SSH2: variants seen among roughly 807,000 people sequenced by gnomAD.
SSH2 encodes the protein slingshot protein phosphatase 2.
SSH2 carries 37 observed loss-of-function variants against 135.2 expected under a neutral mutation model. The observed-to-expected ratio is 0.27, with a 90% CI of 0.21 to 0.36. The LOEUF is 0.36. Ranked by LOEUF, SSH2 falls within the 10% of genes least tolerant of loss-of-function variation. SSH2 has a pLI of 1.00. For missense variants in SSH2, 1,408 were observed against 1,765.3 expected (o/e 0.80, Z 3.63); for synonymous variants, 628 against 646.2 (o/e 0.97, Z 0.43).
Position 29,631,848 on chromosome 17 carries a change from G to A in SSH2, c.3346C>T (p.Pro1116Ser). ...AGGATGGAGGTTGGATGGTCAGTGGGTCTGTTGTGCTCAGGGGAGGAAGAA... is the reference window on the plus strand; with the variant it reads ...AGGATGGAGGTTGGATGGTCAGTGGATCTGTTGTGCTCAGGGGAGGAAGAA... The part of the protein sequence containing the change: ...PHSSSPEHNR[P>S]TDHPTSILSS... Residue 1116 changes from proline to serine, a missense_variant, in exon 16 of 16, where the codon CCC becomes TCC. By Grantham distance (74) the Pro-to-Ser change is moderately conservative. Transcript: ENST00000540801. 6.2e-7 allele frequency: 1 copy of A among 1,614,232 alleles called. No homozygotes were observed. Among genetic ancestry groups the A allele is most frequent in the Non-Finnish European group, 8.5e-7 (1 of 1,180,046 alleles).
intron 1 of SSH2, among the ~76,000 whole-genome samples, chr17:29,911,853 TCTGGGC>T (rs2066771752): frequency 6.6e-6 from 1 of 152,240 alleles, no homozygotes; most frequent in Non-Finnish European, 1.5e-5. Flanking sequence ...ACTAGTTAAA[TCTGGGC>T]CTCAGATATG....
chr17:29,910,321 A>G (rs527259783), intron 1 of SSH2, among the ~76,000 whole-genome samples: 158 of 50,534 alleles, frequency 3.1e-3, no homozygotes, highest in African/African-American at 9.3e-3. Context: ...GCCCATTGTA[A>G]CCTATAAAAA....
chr17:29,698,496 T>C (rs2038853634), intron 4 of SSH2, among the ~76,000 whole-genome samples: 1 of 152,088 alleles, frequency 6.6e-6, no homozygotes, highest in Non-Finnish European at 1.5e-5. Context: ...TTATTTTATT[T>C]TTTTCTTGAG....
intron 2 of SSH2, among the ~76,000 whole-genome samples, chr17:29,843,937 C>T (rs1426302821): frequency 6.6e-6 from 1 of 152,182 alleles, no homozygotes; most frequent in Non-Finnish European, 1.5e-5. Context: ...TATTCTGAGA[C>T]ACTGTCCTTC....
chr17:29,756,461 T>C (rs373504082), intron 3 of SSH2, among the ~76,000 whole-genome samples: 21 of 150,954 alleles, frequency 1.4e-4, no homozygotes, highest in African/African-American at 5.1e-4. Flanking sequence ...TATCTGTCTA[T>C]CTATCCATCC....
rs2035647574 is a variant in SSH2, at chr17:29,631,142, A to T, written c.4052T>A (p.Val1351Glu). ...PHNPEPTKSF[V>E]EQLTTTECIV... ...ACACTCTGTTGTTGTGAGTTGTTCT[A>T]CAAAAGACTTGGTGGGCTCTGGGTT... Residue 1351 changes from valine (V) to glutamate (E), a missense_variant, in exon 16 of 16, where the codon GTA becomes GAA. Around this residue, in one of 3 missense-constraint regions of SSH2, gnomAD observed 1,080 missense variants for 1,144.5 expected, o/e 0.94. Transcript: ENST00000540801. The T allele has an allele frequency of 6.2e-7, 1 of 1,614,206 alleles. No homozygotes were observed. The highest frequency in any genetic ancestry group is 1.3e-5 in the African/African-American group (1 of 75,038).
rs2035672551 is a variant in SSH2, at chr17:29,631,541, T to C, written c.3653A>G (p.Lys1218Arg). 3.7e-6 allele frequency: 6 copies of C among 1,614,142 alleles called. No individual in the cohort carries two copies. Among genetic ancestry groups the C allele is most frequent in the Non-Finnish European group, 5.1e-6 (6 of 1,180,042 alleles). Residue 1218 changes from lysine (K) to arginine (R), a missense_variant, in exon 16 of 16, where the codon AAA (lysine) becomes AGA (arginine). By Grantham distance (26) the Lys-to-Arg change is conservative. Transcript: ENST00000540801. ...TAACTCCCCAGTGTTGTCACCAAGT[T>C]TGCTAATTAAACTTAGGTCTGCGCT... The part of the protein sequence containing the change: ...LSSADLSLIS[K>R]LGDNTGELQE...
intron 4 of SSH2, among the ~76,000 whole-genome samples, chr17:29,700,794 CT>C (rs969498411): frequency 1.3e-5 from 2 of 151,894 alleles, no homozygotes; most frequent in Non-Finnish European, 2.9e-5. Context: ...AGCTAAACTT[CT>C]TTTTTTCTTT....
At chr17:29,820,043 T>G (rs766545780) in intron 2 of SSH2, among the ~76,000 whole-genome samples, 6 of 152,238 alleles carry the variant, frequency 3.9e-5, no homozygotes, top group Non-Finnish European at 8.8e-5. Context: ...ATTCTAAATT[T>G]AAAAAGGTGT....
At chr17:29,731,467 T>G (rs567893978) in intron 3 of SSH2, among the ~76,000 whole-genome samples, 2 of 126,320 alleles carry the variant, frequency 1.6e-5, no homozygotes, top group African/African-American at 6.1e-5. Flanking sequence ...ATTTATTTAT[T>G]TATTTTGAGA....
chr17:29,757,767 A>G (rs2041174640), intron 3 of SSH2, among the ~76,000 whole-genome samples: 1 of 101,846 alleles, frequency 9.8e-6, no homozygotes. Context: ...AATTGCTTGA[A>G]CCCAGTGGCA....
rs3840873 is a variant in SSH2 at position 29,628,043 on chromosome 17, CAAAAG to C, written c.*2793_*2797del. The stretch of plus-strand genomic sequence containing the variant: ...CTGCTGCTTCAGGTCAGGTCATGAA[CAAAAG>C]AAAAGGGAAAGATGCCACTGGAGAT... On this transcript the variant is annotated 3_prime_UTR_variant, in exon 16 of 16. Transcript: ENST00000540801. 2 of 148,892 alleles carry C rather than the reference CAAAAG, an allele frequency of 1.3e-5. No individual in the cohort carries two copies. Among genetic ancestry groups the C allele is most frequent in the East Asian group, 3.9e-4 (2 of 5,132 alleles). The allele number at this position is 148,892 out of a possible 1,614,324, so 9.2% of individuals were successfully genotyped here.
At chr17:29,848,069 C>A (rs1440013556) in intron 2 of SSH2, among the ~76,000 whole-genome samples, 1 of 152,152 alleles carries the variant, frequency 6.6e-6, no homozygotes, top group East Asian at 1.9e-4. Flanking sequence ...CCCTTGATTT[C>A]TTTCCTGGTG....
At chr17:29,857,595 T>C (rs1435749184) in intron 1 of SSH2, among the ~76,000 whole-genome samples, 4 of 152,086 alleles carry the variant, frequency 2.6e-5, no homozygotes, top group Admixed American at 2.6e-4. Context: ...GCTCAAGCGA[T>C]CCTCCCATCT....
chr17:29,751,684 A>G (rs905930541), intron 3 of SSH2, among the ~76,000 whole-genome samples: 1 of 152,178 alleles, frequency 6.6e-6, no homozygotes, highest in Non-Finnish European at 1.5e-5. Flanking sequence ...ATCTTATGGG[A>G]CCACTTCTGT....
intron 1 of SSH2, among the ~76,000 whole-genome samples, chr17:29,918,805 C>T (rs1190669076): frequency 1.3e-5 from 2 of 152,118 alleles, no homozygotes; most frequent in African/African-American, 2.4e-5. Context: ...GGTGTGGTGG[C>T]CTGTGCCTGT....
In SSH2 at chr17:29,732,455, T is replaced by C. The variant is rs2040228042; in HGVS notation, c.189-29393A>G. Among the ~76,000 whole-genome samples the C allele has an allele frequency of 2.0e-5, 3 of 152,326 alleles. No individual in the cohort carries two copies. The South Asian group carries it at 6.2e-4, about 32-fold the overall frequency. On this transcript the variant is annotated intron_variant, in intron 3 of 15. Transcript: ENST00000540801. Reference sequence around the variant, plus strand: ...ACTTCTGGCTTCTTTCTGAAATAATTTGCTTTGGCTTTTAAAACAATTTTT... The same window carrying C: ...ACTTCTGGCTTCTTTCTGAAATAATCTGCTTTGGCTTTTAAAACAATTTTT...
chr17:29,806,445 T>C (rs1449540455), intron 2 of SSH2, among the ~76,000 whole-genome samples: 1 of 152,146 alleles, frequency 6.6e-6, no homozygotes, highest in Non-Finnish European at 1.5e-5. Context: ...TCTGCTCCCT[T>C]CCATTCAGGT....
chr17:29,694,583 C>T (rs531687364), intron 5 of SSH2, among the ~76,000 whole-genome samples: 18 of 152,226 alleles, frequency 1.2e-4, no homozygotes, highest in South Asian at 6.2e-4. Context: ...GCAGGAGAAT[C>T]GATCGAACCT....
Sources: allele counts gnomAD v4.1 joint callset (sites outside exome capture counted in the v4.1 genomes callset), GRCh38; gene constraint gnomAD v4.1.1; regional missense constraint gnomAD v4.1.1; transcripts MANE v1.5; gene names NCBI Gene and HGNC (gene_info 2026-07-23, HGNC 2026-07-21).